PCCA: variants seen among roughly 807,000 people sequenced by gnomAD.
The protein encoded by PCCA is propionyl-CoA carboxylase subunit alpha, also known as propionyl-CoA carboxylase alpha chain, mitochondrial.
Under a neutral mutation model 101.3 loss-of-function variants are expected in PCCA, and 74 were observed. The ratio of observed to expected loss-of-function variants is 0.73; its 90% CI spans 0.61 to 0.89. The LOEUF is 0.89. Ranked by LOEUF, PCCA falls within the 40% of genes least tolerant of loss-of-function variation. The probability of loss-of-function intolerance (pLI) is 0.00; values close to 1 mark genes in which losing one functional copy is unlikely to be tolerated. For missense variants in PCCA, 891 were observed against 907.0 expected, an observed-to-expected ratio of 0.98 and a Z score of 0.23; for synonymous variants, 294 against 313.6, an observed-to-expected ratio of 0.94 and a Z score of 0.66.
Position 100,089,134 on chromosome 13 carries a change from G to T in PCCA, c.14G>T (p.Trp5Leu). 1 of 1,509,850 alleles carries T rather than the reference G, an allele frequency of 6.6e-7. No individual in the cohort carries two copies. The highest frequency in any genetic ancestry group is 8.9e-7 in the Non-Finnish European group (1 of 1,127,564). 93.5% of individuals were successfully genotyped at this position (1,509,850 alleles called of 1,614,324 possible). A position where few individuals can be genotyped will look rare whatever the true frequency, so the allele number is the denominator to read the frequency against. Residue 5 changes from tryptophan to leucine, a missense_variant, in exon 1 of 24, where the codon TGG (tryptophan) becomes TTG (leucine). Trp to Leu is a moderately conservative substitution (Grantham distance 61). Transcript: ENST00000376285. MAGF[W>L]VGTAPLVAAG... is the part of the protein sequence containing the mutation. ...GCGGGGACAACAATGGCGGGGTTCT[G>T]GGTCGGGACAGCACCGCTGGTCGCT...
intron 4 of PCCA, among the ~76,000 whole-genome samples, chr13:100,130,680 T>A (rs1477232074): frequency 1.3e-5 from 2 of 152,190 alleles, no homozygotes; most frequent in Non-Finnish European, 2.9e-5. Context: ...ATTAGTTTAG[T>A]TTCCGGGTCT....
chr13:100,209,819 A>G (rs2059101786), intron 7 of PCCA, among the ~76,000 whole-genome samples: 1 of 152,006 alleles, frequency 6.6e-6, no homozygotes, highest in South Asian at 2.1e-4. Flanking sequence ...TTTAGTAGAG[A>G]CAGGGTTTCA....
intron 22 of PCCA, among the ~76,000 whole-genome samples, chr13:100,520,301 C>T (rs1219043671): frequency 6.6e-6 from 1 of 152,184 alleles, no homozygotes; most frequent in Non-Finnish European, 1.5e-5. Flanking sequence ...AACGACTACC[C>T]CTGGATTTGG....
intron 19 of PCCA, among the ~76,000 whole-genome samples, chr13:100,416,137 G>A (rs909575201): frequency 2.0e-5 from 3 of 152,174 alleles, no homozygotes; most frequent in South Asian, 4.1e-4. Flanking sequence ...CAGAGTGATA[G>A]GTGGATTATG....
At chr13:100,389,064 C>G (rs2076668794) in intron 19 of PCCA, among the ~76,000 whole-genome samples, 1 of 152,190 alleles carries the variant, frequency 6.6e-6, no homozygotes, top group Non-Finnish European at 1.5e-5. Flanking sequence ...TCTGACTTCT[C>G]ACAGTGTCAT....
chr13:100,260,123 A>G (rs1490203895), intron 9 of PCCA, among the ~76,000 whole-genome samples: 1 of 152,172 alleles, frequency 6.6e-6, no homozygotes, highest in African/African-American at 2.4e-5. Context: ...CCAATCTAAT[A>G]AAAAGTTGAT....
chr13:100,520,526 T>A (rs2087165579), intron 22 of PCCA, among the ~76,000 whole-genome samples: 1 of 149,554 alleles, frequency 6.7e-6, no homozygotes, highest in Non-Finnish European at 1.5e-5. Context: ...TCCCAGCTAC[T>A]CGGGAGGCTG....
At chr13:100,191,095 T>TAAAAC (rs1369349575) in intron 6 of PCCA, among the ~76,000 whole-genome samples, 2 of 152,056 alleles carry the variant, frequency 1.3e-5, no homozygotes, top group African/African-American at 2.4e-5. Context: ...CTGCTTCCAA[T>TAAAAC]AAAACAAAAC....
chr13:100,341,688 A>G (rs2071341213), intron 18 of PCCA, among the ~76,000 whole-genome samples: 2 of 152,096 alleles, frequency 1.3e-5, no homozygotes, highest in Admixed American at 1.3e-4. Context: ...TGAATTTCAT[A>G]TTTTTTATTC....
At chr13:100,202,009 T>A (rs1451837116) in intron 6 of PCCA, among the ~76,000 whole-genome samples, 1 of 151,774 alleles carries the variant, frequency 6.6e-6, no homozygotes, top group Non-Finnish European at 1.5e-5. Context: ...CTGCCTTTCA[T>A]AGTTGCACTG....
chr13:100,354,420 AG>A (rs2073734315), intron 18 of PCCA, among the ~76,000 whole-genome samples: 1 of 151,840 alleles, frequency 6.6e-6, no homozygotes, highest in Non-Finnish European at 1.5e-5. Flanking sequence ...AGAGAAGGAA[AG>A]GAAGGATCAA....
chr13:100,146,182 C>G (rs1280639823), intron 4 of PCCA, among the ~76,000 whole-genome samples: 1 of 151,614 alleles, frequency 6.6e-6, no homozygotes, highest in Non-Finnish European at 1.5e-5. Flanking sequence ...CTCAAGCGAT[C>G]TGCCTGCCTC....
At chr13:100,362,436 A>C (rs1172914288) in intron 18 of PCCA, among the ~76,000 whole-genome samples, 1 of 152,214 alleles carries the variant, frequency 6.6e-6, no homozygotes, top group East Asian at 1.9e-4. Flanking sequence ...TCATGTAAGC[A>C]GCATATGGGT....
intron 8 of PCCA, among the ~76,000 whole-genome samples, 162 bp from the exon 9 acceptor site, chr13:100,257,433 C>T (rs2062149410): frequency 6.6e-6 from 1 of 152,088 alleles, no homozygotes; most frequent in South Asian, 2.1e-4. Flanking sequence ...CATCATTACA[C>T]TGGTGTTACT....
At chr13:100,186,586 A>T (rs1490014804) in intron 6 of PCCA, among the ~76,000 whole-genome samples, 1 of 152,016 alleles carries the variant, frequency 6.6e-6, no homozygotes, top group African/African-American at 2.4e-5. Flanking sequence ...TACTAAAAAT[A>T]CAAAAATGGT....
chr13:100,242,637 G>C (rs1034761844), intron 8 of PCCA, among the ~76,000 whole-genome samples: 2 of 152,082 alleles, frequency 1.3e-5, no homozygotes, highest in Non-Finnish European at 2.9e-5. Context: ...TGATGATTGA[G>C]TTAAAATAAT....
intron 21 of PCCA, among the ~76,000 whole-genome samples, chr13:100,459,282 A>G (rs553848162): frequency 2.6e-5 from 4 of 152,348 alleles, no homozygotes; most frequent in Admixed American, 2.6e-4. Context: ...GGTTCTGAGT[A>G]GATATGAATT....
chr13:100,285,641 G>C (rs1279546259), intron 12 of PCCA, among the ~76,000 whole-genome samples: 3 of 152,212 alleles, frequency 2.0e-5, no homozygotes, highest in Non-Finnish European at 2.9e-5. Context: ...TAGATACCAG[G>C]TGCTCCTCCT....
chr13:100,421,581 T>G (rs964982486), intron 19 of PCCA, among the ~76,000 whole-genome samples: 1 of 152,222 alleles, frequency 6.6e-6, no homozygotes, highest in Non-Finnish European at 1.5e-5. Flanking sequence ...CATTTCCTTT[T>G]TTTTTTAGTA....
Sources: gnomAD v4.1 joint callset for allele counts (sites outside exome capture counted in the v4.1 genomes callset) on GRCh38, gnomAD v4.1.1 for gene constraint, MANE v1.5 for transcripts, NCBI Gene and HGNC (gene_info 2026-07-23, HGNC 2026-07-21) for gene names.